Variants in NPY1R observed in about 807,000 individuals in gnomAD.
NPY1R encodes the protein neuropeptide Y receptor type 1.
NPY1R carries 10 observed loss-of-function variants against 24.1 expected under a neutral mutation model. The observed-to-expected ratio is 0.42, with a 90% CI of 0.26 to 0.71. The LOEUF is 0.71. NPY1R is among the 30% of genes least tolerant of loss of function. NPY1R has a pLI of 0.28. For missense variants in NPY1R, 350 were observed against 458.0 expected (o/e 0.76, Z 2.15); for synonymous variants, 168 against 165.9 (o/e 1.01, Z -0.10).
rs9764 is a variant in NPY1R, at chr4:163,324,253, T to G, written c.*1050A>C. Reference sequence around the variant, plus strand: ...ATGAAGTATCTGCAGTTTTTGTGTATTTTTCCCTGCTAGGTAAAGTGAATA... The same window carrying G: ...ATGAAGTATCTGCAGTTTTTGTGTAGTTTTCCCTGCTAGGTAAAGTGAATA... On this transcript the variant is annotated 3_prime_UTR_variant, in exon 3 of 3. Coordinates refer to ENST00000296533, the MANE Select transcript of NPY1R (RefSeq NM_000909.6). 6.6e-6 allele frequency: 1 copy of G among 152,402 alleles called. No individual in the cohort carries two copies. Among genetic ancestry groups the G allele is most frequent in the Non-Finnish European group, 1.5e-5 (1 of 67,968 alleles). The allele number at this position is 152,402 out of a possible 1,614,324, so 9.4% of individuals were successfully genotyped here.
upstream of NPY1R, among the ~76,000 whole-genome samples, chr4:163,336,914 T>C (rs760479684): frequency 6.6e-6 from 1 of 152,136 alleles, no homozygotes; most frequent in Non-Finnish European, 1.5e-5. Context: ...TGAGCTGAGA[T>C]TGCACCACTG....
upstream of NPY1R, among the ~76,000 whole-genome samples, chr4:163,337,416 C>T (rs181412582): frequency 2.4e-4 from 37 of 152,336 alleles, no homozygotes; most frequent in East Asian, 2.5e-3. Flanking sequence ...TACCCTCAGT[C>T]TCAACGGACT....
chr4:163,331,667 C>T (rs1223740834), intron 1 of NPY1R, among the ~76,000 whole-genome samples: 1 of 152,162 alleles, frequency 6.6e-6, no homozygotes, highest in East Asian at 1.9e-4. Flanking sequence ...TCTTATCTCT[C>T]CAGTCTACCT....
At chr4:163,329,899 CT>C (rs372742270) in intron 1 of NPY1R, among the ~76,000 whole-genome samples, 136 of 146,884 alleles carry the variant, frequency 9.3e-4, no homozygotes, top group Middle Eastern at 3.5e-3. Flanking sequence ...ACTGTAGAGC[CT>C]TTTTTTTTTA....
intron 1 of NPY1R, among the ~76,000 whole-genome samples, chr4:163,339,104 G>A (rs753416788): frequency 1.3e-5 from 2 of 152,170 alleles, no homozygotes; most frequent in Non-Finnish European, 2.9e-5. Context: ...CCATCCAGGT[G>A]TCTCAAGTGA....
chr4:163,344,271 C>T (rs1203463477), intron 1 of NPY1R: 6 of 152,334 alleles, frequency 3.9e-5, no homozygotes, highest in African/African-American at 1.4e-4. Context: ...TGAATTCTTT[C>T]GTGCCGAGCA....
At chr4:163,338,259 G>A (rs1020331323) in intron 1 of NPY1R, among the ~76,000 whole-genome samples, 1 of 152,114 alleles carries the variant, frequency 6.6e-6, no homozygotes, top group Non-Finnish European at 1.5e-5. Context: ...AAGCCTGCCA[G>A]CACCACCTCA....
At chr4:163,326,853 G>A (rs1734620738) in intron 1 of NPY1R, 148 bp from the exon 2 acceptor site, 3 of 244,306 alleles carry the variant, frequency 1.2e-5, no homozygotes, top group South Asian at 1.1e-4. Context: ...TAGCAGAAAT[G>A]GTGAAAACAT....
Position 163,325,456 on chromosome 4 carries a change from G to A in NPY1R, c.1002C>T (p.Phe334=), listed in dbSNP as rs780977192. The A allele has an allele frequency of 1.1e-5, 17 of 1,613,992 alleles. No homozygotes were observed. The highest frequency in any genetic ancestry group is 1.6e-4 in the Middle Eastern group (1 of 6,084). The change falls in exon 3 of 3, where the codon TTC becomes TTT. Residue 334 remains phenylalanine (F), a synonymous_variant. Transcript: ENST00000296533. ...GAGACCGGAAATCACAAAAGTTGAA[G>A]AAGAACTGCAAGTCTCTCTGGAAGT... ...NKNFQRDLQF[F]FNFCDFRSRD... is the part of the protein sequence containing the mutation.
At chr4:163,337,023 AAGC>A (rs1734854501), upstream of NPY1R, among the ~76,000 whole-genome samples, 1 of 152,166 alleles carries the variant, frequency 6.6e-6, no homozygotes, top group South Asian at 2.1e-4. Flanking sequence ...ATAATAGCAC[AAGC>A]AGGTGCATGC....
chr4:163,326,514 A>G lies in NPY1R; in HGVS notation c.41T>C (p.Val14Ala). 2 of 1,607,446 alleles carry G rather than the reference A, an allele frequency of 1.2e-6. No individual in the cohort carries two copies. Among genetic ancestry groups the G allele is most frequent in the Non-Finnish European group, 1.7e-6 (2 of 1,177,914 alleles). Reference sequence around the variant, plus strand: ...ATTCTTCTCTGAGAAATTAGAGTGGACTGAATGATTTTCAACCTGGGAAAA... The same window carrying G: ...ATTCTTCTCTGAGAAATTAGAGTGGGCTGAATGATTTTCAACCTGGGAAAA... Reference protein sequence around the residue: ...TLFSQVENHSVHSNFSEKNAQ... With the variant: ...TLFSQVENHSAHSNFSEKNAQ... The change falls in exon 2 of 3, where the codon GTC becomes GCC. Residue 14 changes from valine to alanine, a missense_variant. Transcript: ENST00000296533.
chr4:163,340,649 G>A (rs1734958412), intron 1 of NPY1R, among the ~76,000 whole-genome samples: 1 of 151,926 alleles, frequency 6.6e-6, no homozygotes, highest in African/African-American at 2.4e-5. Context: ...CCAGATCTTC[G>A]ATTCAAAATA....
chr4:163,343,504 C>T (rs1276813911), intron 1 of NPY1R, among the ~76,000 whole-genome samples: 1 of 151,838 alleles, frequency 6.6e-6, no homozygotes, highest in Non-Finnish European at 1.5e-5. Flanking sequence ...CCACCGTCCC[C>T]CACCCCAAAC....
Position 163,340,215 on chromosome 4 carries a change from T to G in NPY1R, c.-152+4090A>C, listed in dbSNP as rs369980022. Among the ~76,000 whole-genome samples, 7 of 151,966 alleles carry G rather than the reference T, an allele frequency of 4.6e-5. No individual in the cohort carries two copies. In the East Asian group the frequency reaches 7.7e-4, roughly 17 times the overall value. ...GATACTTATCTTTTCTCAGAGGAGTTTTAAACTACAAAAGGAAATAATTGT... is the reference window on the plus strand; with the variant it reads ...GATACTTATCTTTTCTCAGAGGAGTGTTAAACTACAAAAGGAAATAATTGT... On this transcript the variant is annotated intron_variant, in intron 1 of 1. Transcript: ENST00000511901.
chr4:163,337,568 G>A (rs1734871488), upstream of NPY1R, among the ~76,000 whole-genome samples: 1 of 152,112 alleles, frequency 6.6e-6, no homozygotes, highest in Non-Finnish European at 1.5e-5. Context: ...CCCAGCCGAG[G>A]CCCCAAGCAC....
At position 163,325,278 on chromosome 4, in the gene NPY1R, C is replaced by G; in HGVS notation, c.*25G>C. 1 of 1,526,362 alleles carries G rather than the reference C, an allele frequency of 6.6e-7. No individual in the cohort carries two copies. The highest frequency in any genetic ancestry group is 9.0e-7 in the Non-Finnish European group (1 of 1,116,434). The allele number at this position is 1,526,362 out of a possible 1,614,324, so 94.6% of individuals were successfully genotyped here. A position where few individuals can be genotyped will look rare whatever the true frequency, so the allele number is the denominator to read the frequency against. ...GTGCTTGTTTTTAAACAGATGTCAT[C>G]CGGGACCATAGGCTATAAGTAGTTT... is the stretch of plus-strand genomic sequence containing the variant. On this transcript the variant is annotated 3_prime_UTR_variant, in exon 3 of 3. Transcript: ENST00000296533.
intron 1 of NPY1R, among the ~76,000 whole-genome samples, 169 bp downstream of exon 1, chr4:163,332,313 C>G (rs1326576152): frequency 6.6e-6 from 1 of 152,128 alleles, no homozygotes. Context: ...AGCCCGCGAA[C>G]GGTCCGGTGA....
intron 1 of NPY1R, among the ~76,000 whole-genome samples, chr4:163,331,488 C>T (rs1443793172): frequency 6.6e-6 from 1 of 151,892 alleles, no homozygotes; most frequent in Non-Finnish European, 1.5e-5. Context: ...TGACTCCCTA[C>T]TACACACACA....
upstream of NPY1R, among the ~76,000 whole-genome samples, chr4:163,336,936 G>T (rs888707318): frequency 1.3e-5 from 2 of 152,142 alleles, no homozygotes; most frequent in African/African-American, 4.8e-5. Flanking sequence ...ATTCCAGCCT[G>T]GGCAACAGAG....
Sources: allele counts gnomAD v4.1 joint callset (sites outside exome capture counted in the v4.1 genomes callset), GRCh38; gene constraint gnomAD v4.1.1; transcripts MANE v1.5; gene names NCBI Gene and HGNC (gene_info 2026-07-23, HGNC 2026-07-21).